RSF1: variants seen among roughly 807,000 people sequenced by gnomAD.
RSF1 encodes the protein HBV pX-associated protein 8.
Under a neutral mutation model 145.2 loss-of-function variants are expected in RSF1, and 13 were observed. The observed-to-expected ratio is 0.09, with a 90% CI of 0.06 to 0.14. The LOEUF is 0.14. Ranked by LOEUF, RSF1 falls within the 10% of genes least tolerant of loss-of-function variation. RSF1 has a pLI of 1.00. For synonymous variants in RSF1, 577 were observed against 592.6 expected (o/e 0.97, Z 0.38); for missense variants, 1,517 against 1,718.2 (o/e 0.88, Z 2.07).
At chr11:77,779,107 C>T (rs1948377269) in intron 1 of RSF1, among the ~76,000 whole-genome samples, 1 of 151,960 alleles carries the variant, frequency 6.6e-6, no homozygotes, top group Non-Finnish European at 1.5e-5. Flanking sequence ...CCATGCCCAG[C>T]TAATTTTTGT....
In RSF1 at chr11:77,699,062, A is replaced by C. The variant is rs73508720; in HGVS notation, c.2509-369T>G. On this transcript the variant is annotated intron_variant, in intron 6 of 15. Transcript: ENST00000308488. ...TTCACTTTCGTCAACAATGTACTGT[A>C]TCTTTACAAATATTTTTACACACAT... Among the ~76,000 whole-genome samples the C allele has an allele frequency of 1.9e-3, 287 of 152,316 alleles. 2 individuals are homozygous for C. The highest frequency in any genetic ancestry group is 6.8e-3 in the Middle Eastern group (2 of 294).
chr11:77,743,095 G>T (rs1342789773), intron 3 of RSF1, among the ~76,000 whole-genome samples: 2 of 152,102 alleles, frequency 1.3e-5, no homozygotes, highest in Non-Finnish European at 1.5e-5. Flanking sequence ...TGTTCCAGTG[G>T]TCGATATATC....
intron 1 of RSF1, among the ~76,000 whole-genome samples, chr11:77,778,750 T>C (rs1948374084): frequency 6.6e-6 from 1 of 152,224 alleles, no homozygotes; most frequent in Non-Finnish European, 1.5e-5. Context: ...CTGTTGATCA[T>C]ATCTTCCTTC....
intron 1 of RSF1, among the ~76,000 whole-genome samples, chr11:77,764,980 A>G (rs1005827201): frequency 5.3e-5 from 8 of 152,188 alleles, no homozygotes; most frequent in African/African-American, 1.4e-4. Context: ...TTATATGTCA[A>G]TGTAGGTTCA....
chr11:77,791,480 A>G (rs1189180227), intron 1 of RSF1, among the ~76,000 whole-genome samples: 1 of 152,222 alleles, frequency 6.6e-6, no homozygotes, highest in Non-Finnish European at 1.5e-5. Flanking sequence ...TTTATGCAGC[A>G]GACTTCAATT....
chr11:77,744,626 G>T (rs1032403998), intron 3 of RSF1, among the ~76,000 whole-genome samples: 1 of 152,162 alleles, frequency 6.6e-6, no homozygotes, highest in Non-Finnish European at 1.5e-5. Flanking sequence ...TTATTGATTT[G>T]CATAGGATGA....
Position 77,702,451 on chromosome 11 carries a change from T to G in RSF1, c.778A>C (p.Met260Leu). The change falls in exon 6 of 16, where the codon ATG becomes CTG. Residue 260 changes from methionine (M) to leucine (L), a missense_variant. Physicochemically the swap from Met to Leu is conservative, Grantham distance 15 (BLOSUM62 2). Transcript: ENST00000308488. ...SEKMKSEEQP[M>L]DLENRSTANV... ...GCTGTAGAACGGTTTTCTAAATCCA[T>G]AGGCTGCTCCTCACTTTTCATCTTT... 1 of 1,569,302 alleles carries G rather than the reference T, an allele frequency of 6.4e-7. No individual in the cohort carries two copies. The highest frequency in any genetic ancestry group is 8.6e-7 in the Non-Finnish European group (1 of 1,167,492).
intron 4 of RSF1, chr11:77,738,633 C>T (rs994737365): frequency 6.6e-5 from 10 of 152,220 alleles, no homozygotes; most frequent in African/African-American, 2.2e-4. Flanking sequence ...TAAAATTTCA[C>T]ATCATGCATT....
At chr11:77,814,335 C>T (rs1374671813) in intron 1 of RSF1, among the ~76,000 whole-genome samples, 1 of 152,156 alleles carries the variant, frequency 6.6e-6, no homozygotes, top group African/African-American at 2.4e-5. Flanking sequence ...TCATTCTCTA[C>T]CAAAAAAATT....
chr11:77,716,713 C>T (rs1390556772), intron 5 of RSF1, among the ~76,000 whole-genome samples: 3 of 152,162 alleles, frequency 2.0e-5, no homozygotes, highest in South Asian at 2.1e-4. Flanking sequence ...GTTACAACAA[C>T]GTACTGTATA....
At chr11:77,684,389 C>A (rs1319264408) in intron 10 of RSF1, among the ~76,000 whole-genome samples, 1 of 152,048 alleles carries the variant, frequency 6.6e-6, no homozygotes, top group African/African-American at 2.4e-5. Flanking sequence ...TCAAAAAACC[C>A]AAACTGTGTT....
the RSF1 span, among the ~76,000 whole-genome samples, chr11:77,865,326 G>T: frequency 1.3e-5 from 2 of 152,210 alleles, no homozygotes; most frequent in Admixed American, 6.5e-5. Context: ...ACTGGTGGTA[G>T]GGTGGGAGAG....
chr11:77,683,681 T>C, intron 11 of RSF1, 29 bp downstream of exon 11: 1 of 1,457,030 alleles, frequency 6.9e-7, no homozygotes, highest in East Asian at 2.3e-5. Flanking sequence ...AATCCTCTTT[T>C]GCTGTAGACA....
At chr11:77,677,074 C>G (rs1410530415) in intron 12 of RSF1, 75 bp from the exon 13 acceptor site, 30 of 1,142,758 alleles carry the variant, frequency 2.6e-5, no homozygotes, top group Middle Eastern at 2.1e-4. Context: ...TTTCTAGAGA[C>G]AGTCCTTATT....
the RSF1 span, among the ~76,000 whole-genome samples, chr11:77,844,058 G>C: frequency 6.6e-6 from 1 of 152,088 alleles, no homozygotes; most frequent in Non-Finnish European, 1.5e-5. Flanking sequence ...GGAATTGTGG[G>C]AGTTAAAAAT....
At chr11:77,853,495 G>C in the RSF1 span, among the ~76,000 whole-genome samples, 1 of 152,048 alleles carries the variant, frequency 6.6e-6, no homozygotes, top group Non-Finnish European at 1.5e-5. Flanking sequence ...AACAGCAAGG[G>C]GGATATTGGC....
At chr11:77,742,524 T>C (rs962822404) in intron 3 of RSF1, among the ~76,000 whole-genome samples, 5 of 152,120 alleles carry the variant, frequency 3.3e-5, no homozygotes, top group Non-Finnish European at 5.9e-5. Context: ...GTGATCCGCC[T>C]GCCTTGGCCT....
At chr11:77,840,082 G>C in the RSF1 span, among the ~76,000 whole-genome samples, 9 of 122,612 alleles carry the variant, frequency 7.3e-5, no homozygotes, top group Admixed American at 6.8e-4. Context: ...TTAGAGTATG[G>C]AGAGGGGGAC....
chr11:77,761,061 C>T (rs779475047), intron 2 of RSF1, among the ~76,000 whole-genome samples: 2 of 152,128 alleles, frequency 1.3e-5, no homozygotes, highest in Non-Finnish European at 2.9e-5. Context: ...TCTCCTGCCT[C>T]AGCCTCCGGA....
Sources: gnomAD v4.1 joint callset for allele counts (sites outside exome capture counted in the v4.1 genomes callset) on GRCh38, gnomAD v4.1.1 for gene constraint, MANE v1.5 for transcripts, NCBI Gene and HGNC (gene_info 2026-07-23, HGNC 2026-07-21) for gene names.